SYNE1: variants seen among roughly 807,000 people sequenced by gnomAD.
The protein encoded by SYNE1 is nesprin-1.
SYNE1 carries 616 observed loss-of-function variants against 1,111.0 expected under a neutral mutation model. That is an observed-to-expected ratio of 0.55 (90% CI 0.52 to 0.59). SYNE1 has a LOEUF of 0.59. Ranked by LOEUF, SYNE1 falls within the 20% of genes least tolerant of loss-of-function variation. SYNE1 has a pLI of 0.00. For missense variants in SYNE1, 10,006 were observed against 10,417.0 expected (o/e 0.96, Z 1.72); for synonymous variants, 3,855 against 3,825.8 (o/e 1.01, Z -0.28).
intron 115 of SYNE1, among the ~76,000 whole-genome samples, chr6:152,229,209 A>G (rs2082211694): frequency 6.6e-6 from 1 of 152,214 alleles, no homozygotes; most frequent in South Asian, 2.1e-4. Context: ...CTGTAGAATT[A>G]CTTCACTGTT....
rs112684568 is a variant in SYNE1, at chr6:152,237,068, G to T, written c.20068-120C>A. Reference sequence around the variant, plus strand: ...TTAAAGTTATATCAGAGATGTTTGCGTTGGGCCTTGCTTTGGGAAGCAAAA... The same window carrying T: ...TTAAAGTTATATCAGAGATGTTTGCTTTGGGCCTTGCTTTGGGAAGCAAAA... On this transcript the variant is annotated intron_variant, in intron 108 of 145. Transcript: ENST00000367255. The T allele has an allele frequency of 7.3e-6, 10 of 1,363,266 alleles. No individual in the cohort carries two copies. In the South Asian group the frequency reaches 8.7e-5, roughly 12 times the overall value. 84.4% of individuals were successfully genotyped at this position (1,363,266 alleles called of 1,614,324 possible). A position where few individuals can be genotyped will look rare whatever the true frequency, so the allele number is the denominator to read the frequency against.
intron 7 of SYNE1, among the ~76,000 whole-genome samples, chr6:152,510,745 A>G (rs1332394217): frequency 1.3e-5 from 2 of 152,074 alleles, no homozygotes; most frequent in Non-Finnish European, 2.9e-5. Flanking sequence ...CTGCAACAAT[A>G]TTTCATCTCC....
Position 152,148,051 on chromosome 6 carries a change from A to C in SYNE1, c.24970T>G (p.Leu8324Val). Residue 8324 changes from leucine (L) to valine (V), a missense_variant, in exon 137 of 146, where the codon TTA becomes GTA. By Grantham distance (32) the Leu-to-Val change is conservative (BLOSUM62 1). Coordinates refer to ENST00000367255, the MANE Select transcript of SYNE1 (RefSeq NM_182961.4). The surrounding 1 kb of genome is among the most constrained non-coding windows in gnomAD (Gnocchi z 4.1). ...KDFYLRGAVG[L>V]SGDHSALESQ... is the part of the protein sequence containing the mutation. ...TGGAGAGGCTCTTTCCTACCTGATA[A>C]GCCAACAGCTCCCCGGAGGTAGAAA... The C allele has an allele frequency of 6.2e-7, 1 of 1,613,842 alleles. No homozygotes were observed. The highest frequency in any genetic ancestry group is 8.5e-7 in the Non-Finnish European group (1 of 1,179,972).
chr6:152,398,666 G>A lies in SYNE1; in HGVS notation c.7303C>T (p.Arg2435Cys), dbSNP rs370082646. The stretch of plus-strand genomic sequence containing the variant: ...TCTAGAACTTTGCTGTCACCGGTGC[G>A]ATCTGATGATTCTTTTGCTGCTGCC... ...AKAAAKESSD[R>C]TGDSKVLEAK... The change falls in exon 49 of 146, where the codon CGC (arginine) becomes TGC (cysteine). Residue 2435 changes from arginine (R) to cysteine (C), a missense_variant. Coordinates refer to ENST00000367255, the MANE Select transcript of SYNE1 (RefSeq NM_182961.4). 40 of 1,613,834 alleles carry A rather than the reference G, an allele frequency of 2.5e-5. No individual in the cohort carries two copies. Among genetic ancestry groups the A allele is most frequent in the Middle Eastern group, 3.3e-4 (2 of 6,082 alleles).
At chr6:152,483,025 T>C in intron 14 of SYNE1, 60 bp downstream of exon 14, 2 of 1,600,722 alleles carry the variant, frequency 1.2e-6, no homozygotes, top group Non-Finnish European at 1.7e-6. Flanking sequence ...GTAACTAGGC[T>C]ACCTCTCCAG....
chr6:152,301,785 A>G, intron 92 of SYNE1, 84 bp downstream of exon 92: 4 of 1,427,114 alleles, frequency 2.8e-6, no homozygotes, highest in Non-Finnish European at 2.8e-6. Context: ...CTGGTCCCTG[A>G]AATCAGCCAC....
chr6:152,145,866 A>G, intron 137 of SYNE1: 1 of 359,588 alleles, frequency 2.8e-6, no homozygotes, highest in Non-Finnish European at 5.4e-6. Context: ...CTCTACTAAA[A>G]ATACAAAAAT....
At chr6:152,483,702 G>A (rs150651578) in intron 13 of SYNE1, among the ~76,000 whole-genome samples, 1 of 152,068 alleles carries the variant, frequency 6.6e-6, no homozygotes, top group African/African-American at 2.4e-5. Flanking sequence ...AGAAAAATGA[G>A]GATTATCTAA....
Position 152,254,973 on chromosome 6 carries a change from A to C in SYNE1, c.19377T>G (p.Gly6459=), listed in dbSNP as rs751091690. The change falls in exon 104 of 146, where the codon GGT becomes GGG. Residue 6459 remains glycine, a synonymous_variant. Coordinates refer to ENST00000367255, the MANE Select transcript of SYNE1 (RefSeq NM_182961.4). ...GCAAGGATAACCTGCCCAAAAGACA[A>C]CCCAAAGTATCTTCAATAACATCTC... ...DNRDVIEDTL[G]CLLGRLSLLD... 1 of 1,613,928 alleles carries C rather than the reference A, an allele frequency of 6.2e-7. No individual in the cohort carries two copies. The highest frequency in any genetic ancestry group is 1.3e-5 in the African/African-American group (1 of 74,948).
chr6:152,345,181 C>T (rs906949124), intron 73 of SYNE1, among the ~76,000 whole-genome samples: 2 of 152,142 alleles, frequency 1.3e-5, no homozygotes, highest in African/African-American at 4.8e-5. Flanking sequence ...GAATTTCATC[C>T]ACTTTTTAAA....
chr6:152,515,473 A>G lies in SYNE1; in HGVS notation c.310-4370T>C, dbSNP rs185074944. On this transcript the variant is annotated intron_variant, in intron 6 of 145. Coordinates refer to ENST00000367255, the MANE Select transcript of SYNE1 (RefSeq NM_182961.4). ...TACACAATTTAAAGGAATTTTAAAC[A>G]TTAATTACATTTTAATAAAAGTCCA... 2.0e-3 allele frequency among the ~76,000 whole-genome samples: 300 copies of G among 152,326 alleles called. 1 individual carries two copies. The highest frequency in any genetic ancestry group is 6.9e-3 in the African/African-American group (286 of 41,584).
At chr6:152,232,414 G>A (rs1436303667) in intron 112 of SYNE1, 149 bp from the exon 113 acceptor site, 2 of 878,102 alleles carry the variant, frequency 2.3e-6, no homozygotes, top group Non-Finnish European at 3.6e-6. Context: ...CTTTCTGAAA[G>A]CTTGAAGTTA....
At position 152,389,233 on chromosome 6, in the gene SYNE1, G is replaced by T. The variant is rs566082654; in HGVS notation, c.8177+1047C>A. 4.7e-4 allele frequency among the ~76,000 whole-genome samples: 72 copies of T among 152,156 alleles called. 1 individual carries two copies. The highest frequency in any genetic ancestry group is 1.4e-3 in the African/African-American group (60 of 41,500). On this transcript the variant is annotated intron_variant, in intron 53 of 145. Transcript: ENST00000367255. ...AATTTTATTGTAGGTTCAAAGGTACGTGTGCAGAGTTGCTGTATAGGTAAA... is the reference window on the plus strand; with the variant it reads ...AATTTTATTGTAGGTTCAAAGGTACTTGTGCAGAGTTGCTGTATAGGTAAA...
At chr6:152,586,602 G>A (rs1211922184) in intron 3 of SYNE1, among the ~76,000 whole-genome samples, 1 of 151,140 alleles carries the variant, frequency 6.6e-6, no homozygotes, top group Admixed American at 6.6e-5. Flanking sequence ...GACTTTGGTG[G>A]GAATGTTCTT....
At chr6:152,548,753 T>C (rs765053482) in intron 3 of SYNE1, among the ~76,000 whole-genome samples, 2 of 152,200 alleles carry the variant, frequency 1.3e-5, no homozygotes, top group Non-Finnish European at 2.9e-5. Context: ...CACAAAATCC[T>C]GTGGTCCAAC....
At chr6:152,366,848 T>A (rs1251664243) in intron 62 of SYNE1, 1 of 377,402 alleles carries the variant, frequency 2.6e-6, no homozygotes, top group Admixed American at 3.5e-5. Context: ...GGAGGAGAAT[T>A]GGCTAAATAC....
intron 3 of SYNE1, among the ~76,000 whole-genome samples, chr6:152,551,381 C>G (rs2099345972): frequency 6.6e-6 from 1 of 152,154 alleles, no homozygotes; most frequent in South Asian, 2.1e-4. Context: ...AGTAGTCAGA[C>G]TCTTACCCTA....
chr6:152,318,436 A>G (rs2095790432), intron 85 of SYNE1, 173 bp from the exon 86 acceptor site: 2 of 714,760 alleles, frequency 2.8e-6, no homozygotes, highest in Non-Finnish European at 4.7e-6. Flanking sequence ...AGGGCAGGAT[A>G]TGTTGTAATG....
In SYNE1 at chr6:152,453,271, A is replaced by G. The variant is rs141253907; in HGVS notation, c.3027+315T>C. On this transcript the variant is annotated intron_variant, in intron 25 of 145. Coordinates refer to ENST00000367255, the MANE Select transcript of SYNE1 (RefSeq NM_182961.4). The stretch of plus-strand genomic sequence containing the variant: ...TAGGTATACCTAGCAAGATTTATTC[A>G]GCAGAGAGAAGCTTATGAAATGTTG... 3.8e-3 allele frequency: 2,154 copies of G among 574,280 alleles called. 19 individuals carry two copies. The highest frequency in any genetic ancestry group is 0.018 in the South Asian group (831 of 45,274). 35.6% of individuals were successfully genotyped at this position (574,280 alleles called of 1,614,324 possible).
Sources: gnomAD v4.1 joint callset for allele counts (sites outside exome capture counted in the v4.1 genomes callset) on GRCh38, gnomAD v4.1.1 for gene constraint, Gnocchi (gnomAD v3.1) non-coding constraint, MANE v1.5 for transcripts, NCBI Gene and HGNC (gene_info 2026-07-23, HGNC 2026-07-21) for gene names.